COG3: variants seen among roughly 807,000 people sequenced by gnomAD.
The protein encoded by COG3 is component of oligomeric golgi complex 3.
COG3 carries 32 observed loss-of-function variants against 114.1 expected under a neutral mutation model. The ratio of observed to expected loss-of-function variants is 0.28; its 90% CI spans 0.21 to 0.38. The LOEUF is 0.38. COG3 is among the 10% of genes least tolerant of loss of function. The pLI is 1.00. For missense variants in COG3, 813 were observed against 973.2 expected, an observed-to-expected ratio of 0.84 and a Z score of 2.19; for synonymous variants, 352 against 365.7, an observed-to-expected ratio of 0.96 and a Z score of 0.43.
At chr13:45,475,735 TAGG>T (rs1885817604) in intron 1 of COG3, among the ~76,000 whole-genome samples, 1 of 151,828 alleles carries the variant, frequency 6.6e-6, no homozygotes, top group African/African-American at 2.4e-5. Flanking sequence ...AAGGCTAAGG[TAGG>T]AGGATCACTT....
At position 45,535,798 on chromosome 13, in the gene COG3, A is replaced by C. The variant is rs1316530260; in HGVS notation, c.*1067A>C. ...ATATCAGGGATCATAAATTATGCAT[A>C]TCTATGAATTTTCCAACAAATTCCT... On this transcript the variant is annotated 3_prime_UTR_variant, in exon 23 of 23. Coordinates refer to ENST00000349995, the MANE Select transcript of COG3 (RefSeq NM_031431.4). 2.0e-6 allele frequency: 2 copies of C among 987,488 alleles called. No individual in the cohort carries two copies. Among genetic ancestry groups the C allele is most frequent in the South Asian group, 9.4e-5 (2 of 21,376 alleles). 61.2% of individuals were successfully genotyped at this position (987,488 alleles called of 1,614,324 possible).
chr13:45,525,003 C>A lies in COG3; in HGVS notation c.2182C>A (p.Gln728Lys). ...TTCAGCGTTAAAAACAATGGCCAGTCAGGGAGGCCCCAAGTATACTCTCTC... is the reference window on the plus strand; with the variant it reads ...TTCAGCGTTAAAAACAATGGCCAGTAAGGGAGGCCCCAAGTATACTCTCTC... ...KVSALKTMASQGGPKYTLSQQ... is the reference protein window; with the variant it reads ...KVSALKTMASKGGPKYTLSQQ... The change falls in exon 20 of 23, where the codon CAG (glutamine) becomes AAG (lysine). Residue 728 changes from glutamine to lysine, a missense_variant. Physicochemically the swap from Gln to Lys is moderately conservative, Grantham distance 53. Coordinates refer to ENST00000349995, the MANE Select transcript of COG3 (RefSeq NM_031431.4). 1 of 1,613,774 alleles carries A rather than the reference C, an allele frequency of 6.2e-7. No homozygotes were observed. The highest frequency in any genetic ancestry group is 1.1e-5 in the South Asian group (1 of 91,048).
At chr13:45,525,868 A>G (rs987068907) in intron 20 of COG3, among the ~76,000 whole-genome samples, 1 of 151,622 alleles carries the variant, frequency 6.6e-6, no homozygotes, top group African/African-American at 2.4e-5. Flanking sequence ...GCTGTGTCCA[A>G]GTTGGAGGGC....
chr13:45,480,038 T>G, intron 3 of COG3, 87 bp from the exon 4 acceptor site: 1 of 1,203,412 alleles, frequency 8.3e-7, no homozygotes, highest in Non-Finnish European at 1.2e-6. Flanking sequence ...TTCGAACATT[T>G]TGGGAAAAAT....
chr13:45,473,791 G>A (rs1885674437), intron 1 of COG3, among the ~76,000 whole-genome samples: 2 of 152,198 alleles, frequency 1.3e-5, no homozygotes, highest in South Asian at 4.1e-4. Context: ...TGCAGAGCAG[G>A]TGTAGATGCG....
rs746190896 is a variant in COG3 at position 45,486,498 on chromosome 13, C to T, written c.847C>T (p.Pro283Ser). Residue 283 changes from proline (P) to serine (S), a missense_variant, in exon 8 of 23, where the codon CCT becomes TCT. Coordinates refer to ENST00000349995, the MANE Select transcript of COG3 (RefSeq NM_031431.4). Reference protein sequence around the residue: ...TLTSQLLKRDPSSVPNADNAF... With the variant: ...TLTSQLLKRDSSSVPNADNAF... Reference sequence around the variant, plus strand: ...ATCCTCCCCCATGTTTCTTTAGGATCCTTCATCTGTACCTAATGCAGACAA... The same window carrying T: ...ATCCTCCCCCATGTTTCTTTAGGATTCTTCATCTGTACCTAATGCAGACAA... The T allele has an allele frequency of 2.5e-6, 4 of 1,594,756 alleles. No individual in the cohort carries two copies. In the Admixed American group the frequency reaches 6.7e-5, roughly 27 times the overall value.
intron 16 of COG3, among the ~76,000 whole-genome samples, chr13:45,514,721 C>T (rs1376783721): frequency 6.6e-6 from 1 of 151,938 alleles, no homozygotes; most frequent in Non-Finnish European, 1.5e-5. Context: ...GATCTTGGCT[C>T]ACTGCAAGCT....
In COG3 at chr13:45,526,005, C is replaced by G. The variant is rs937773623; in HGVS notation, c.2230+954C>G. ...TGATTGGTTTTCCATATTGAAAGAG[C>G]ATTATATCTGTTAGGTATTCATTTT... On this transcript the variant is annotated intron_variant, in intron 20 of 22. Coordinates refer to ENST00000349995, the MANE Select transcript of COG3 (RefSeq NM_031431.4). 2.0e-5 allele frequency among the ~76,000 whole-genome samples: 3 copies of G among 146,604 alleles called. No individual in the cohort carries two copies. In the East Asian group the frequency reaches 6.0e-4, roughly 29 times the overall value.
At chr13:45,494,893 C>T (rs748632328) in intron 12 of COG3, among the ~76,000 whole-genome samples, 15 of 137,176 alleles carry the variant, frequency 1.1e-4, no homozygotes, top group African/African-American at 3.3e-4. Flanking sequence ...CGGAGTCTCG[C>T]TCTGTGCAGT....
intron 17 of COG3, among the ~76,000 whole-genome samples, chr13:45,517,481 T>G (rs1481997450): frequency 1.3e-5 from 2 of 152,346 alleles, no homozygotes; most frequent in Non-Finnish European, 2.9e-5. Flanking sequence ...TGTTATGTAC[T>G]TTGTGATTTT....
At position 45,465,020 on chromosome 13, in the gene COG3, C is replaced by G. The variant is rs1420234199; in HGVS notation, c.-17C>G. On this transcript the variant is annotated 5_prime_UTR_variant, in exon 1 of 23. Transcript: ENST00000349995. ...CCCTCCATCTCGCTGCTGCTGAAGGCCGCGAGGGCGGCGGCGATGGCGGAG... is the reference window on the plus strand; with the variant it reads ...CCCTCCATCTCGCTGCTGCTGAAGGGCGCGAGGGCGGCGGCGATGGCGGAG... 1 of 1,553,052 alleles carries G rather than the reference C, an allele frequency of 6.4e-7. No homozygotes were observed. The highest frequency in any genetic ancestry group is 8.7e-7 in the Non-Finnish European group (1 of 1,150,492).
At chr13:45,526,894 C>T (rs1479234170) in intron 20 of COG3, among the ~76,000 whole-genome samples, 1 of 152,210 alleles carries the variant, frequency 6.6e-6, no homozygotes, top group Non-Finnish European at 1.5e-5. Flanking sequence ...CACAACTCAG[C>T]ATACTTCTTG....
intron 19 of COG3, among the ~76,000 whole-genome samples, chr13:45,524,308 C>T (rs1035715326): frequency 1.3e-5 from 2 of 151,758 alleles, no homozygotes; most frequent in African/African-American, 4.9e-5. Context: ...TACCCCATAG[C>T]TCCACCACAG....
chr13:45,468,303 A>T (rs1885269290), intron 1 of COG3, among the ~76,000 whole-genome samples: 1 of 152,196 alleles, frequency 6.6e-6, no homozygotes, highest in Non-Finnish European at 1.5e-5. Context: ...GAATTGTGAG[A>T]ATTATGTGAA....
In COG3 at chr13:45,492,087, A is replaced by C. The variant is rs545383611; in HGVS notation, c.1096-72A>C. On this transcript the variant is annotated intron_variant, in intron 10 of 22. Transcript: ENST00000349995. Reference sequence around the variant, plus strand: ...TGTGTTATCTCTGCACATAAAGTGTAGGCTTTATTTCATAAACATCAGAAA... The same window carrying C: ...TGTGTTATCTCTGCACATAAAGTGTCGGCTTTATTTCATAAACATCAGAAA... 17 of 893,318 alleles carry C rather than the reference A, an allele frequency of 1.9e-5. No individual in the cohort carries two copies. The East Asian group carries it at 3.8e-4, about 20-fold the overall frequency. 55.3% of individuals were successfully genotyped at this position (893,318 alleles called of 1,614,324 possible).
At chr13:45,481,045 A>G (rs1422535878) in intron 4 of COG3, among the ~76,000 whole-genome samples, 185 bp from the exon 5 acceptor site, 7 of 152,258 alleles carry the variant, frequency 4.6e-5, no homozygotes. Flanking sequence ...TGAAGAGATC[A>G]TATAAAATTT....
chr13:45,491,597 C>G, intron 10 of COG3, 59 bp downstream of exon 10: 12 of 1,511,390 alleles, frequency 7.9e-6, no homozygotes, highest in Non-Finnish European at 1.1e-5. Flanking sequence ...ATGTTGATAT[C>G]CTAGAAACTA....
intron 20 of COG3, among the ~76,000 whole-genome samples, chr13:45,525,911 T>C (rs568152508): frequency 6.6e-6 from 1 of 151,820 alleles, no homozygotes; most frequent in Non-Finnish European, 1.5e-5. Flanking sequence ...ATCCAAAAAA[T>C]GATTCTGGCT....
At chr13:45,466,067 T>G (rs1885118229) in intron 1 of COG3, among the ~76,000 whole-genome samples, 1 of 152,158 alleles carries the variant, frequency 6.6e-6, no homozygotes, top group Admixed American at 6.5e-5. Flanking sequence ...TTCTTTTCTC[T>G]CGCTCTGTCG....
Sources: allele counts gnomAD v4.1 joint callset (sites outside exome capture counted in the v4.1 genomes callset), GRCh38; gene constraint gnomAD v4.1.1; transcripts MANE v1.5; gene names NCBI Gene and HGNC (gene_info 2026-07-23, HGNC 2026-07-21).